Variants in FOXN3 observed in about 807,000 individuals in gnomAD.
The protein encoded by FOXN3 is forkhead box protein N3.
A neutral mutation model predicts 38.4 loss-of-function variants in FOXN3; 7 were observed. The observed-to-expected ratio is 0.18, with a 90% CI of 0.10 to 0.34. The LOEUF is 0.34. Among genes scored for constraint, FOXN3 ranks in the 10% least tolerant of loss-of-function variants. The pLI is 1.00. For synonymous variants in FOXN3, 230 were observed against 242.2 expected (o/e 0.95, Z 0.47); for missense variants, 456 against 613.4 (o/e 0.74, Z 2.71).
intron 4 of FOXN3, among the ~76,000 whole-genome samples, chr14:89,234,263 T>C (rs756169122): frequency 3.9e-5 from 6 of 152,140 alleles, no homozygotes; most frequent in Non-Finnish European, 7.4e-5. Flanking sequence ...TTAATGACCA[T>C]AGTTCTGGAG....
chr14:89,236,745 G>T (rs779117922), intron 4 of FOXN3, among the ~76,000 whole-genome samples: 1 of 152,236 alleles, frequency 6.6e-6, no homozygotes, highest in Admixed American at 6.5e-5. Context: ...AAATGCTCTA[G>T]CTGTGGGGAC....
chr14:89,369,592 C>T (rs980339842), intron 2 of FOXN3, among the ~76,000 whole-genome samples: 1 of 151,484 alleles, frequency 6.6e-6, no homozygotes, highest in Non-Finnish European at 1.5e-5. Context: ...CACAATTCCA[C>T]ATGGCTGGGG....
At chr14:89,345,310 G>A (rs930444950) in intron 3 of FOXN3, among the ~76,000 whole-genome samples, 9 of 151,086 alleles carry the variant, frequency 6.0e-5, no homozygotes, top group African/African-American at 2.0e-4. Context: ...AAAAACAATC[G>A]GGATATCTAA....
At chr14:89,273,163 C>T (rs1455122826) in intron 4 of FOXN3, among the ~76,000 whole-genome samples, 1 of 152,220 alleles carries the variant, frequency 6.6e-6, no homozygotes, top group Non-Finnish European at 1.5e-5. Flanking sequence ...CATTCTATAA[C>T]CTCCTGCAAA....
intron 1 of FOXN3, among the ~76,000 whole-genome samples, chr14:89,483,659 C>T (rs988802770): frequency 5.9e-5 from 9 of 152,134 alleles, no homozygotes; most frequent in East Asian, 1.9e-4. Context: ...CCGCCTGCCT[C>T]GGCCTCCCAA....
intron 2 of FOXN3, among the ~76,000 whole-genome samples, chr14:89,401,292 A>G (rs930163702): frequency 6.6e-6 from 1 of 152,140 alleles, no homozygotes; most frequent in African/African-American, 2.4e-5. Context: ...AAACAGAAAA[A>G]TTAGCTGGGC....
At chr14:89,350,416 A>G in intron 3 of FOXN3, 1 of 324,192 alleles carries the variant, frequency 3.1e-6, no homozygotes, top group Non-Finnish European at 5.6e-6. Flanking sequence ...TTCTTTGTAA[A>G]TGTTTCTACC....
intron 1 of FOXN3, among the ~76,000 whole-genome samples, chr14:89,566,966 G>T (rs569050409): frequency 3.3e-5 from 5 of 152,004 alleles, no homozygotes; most frequent in Non-Finnish European, 7.4e-5. Flanking sequence ...AGAGAGTGGG[G>T]AGGAGAAAAG....
At chr14:89,590,940 G>A (rs1461835057) in intron 1 of FOXN3, among the ~76,000 whole-genome samples, 2 of 152,080 alleles carry the variant, frequency 1.3e-5, no homozygotes, top group Non-Finnish European at 2.9e-5. Context: ...AGGCCTTGCT[G>A]GGGTCATTCT....
intron 3 of FOXN3, among the ~76,000 whole-genome samples, chr14:89,304,095 C>T: frequency 6.6e-6 from 1 of 152,200 alleles, no homozygotes; most frequent in East Asian, 1.9e-4. Flanking sequence ...GATGCTGTCA[C>T]ATGCAAACTT....
intron 3 of FOXN3, among the ~76,000 whole-genome samples, chr14:89,289,899 T>C (rs1202967889): frequency 2.6e-5 from 4 of 152,236 alleles, no homozygotes; most frequent in East Asian, 1.9e-4. Context: ...AATTGAATCA[T>C]GCAGTATTTT....
intron 4 of FOXN3, among the ~76,000 whole-genome samples, chr14:89,244,171 A>G (rs1885222523): frequency 6.6e-6 from 1 of 152,246 alleles, no homozygotes; most frequent in Non-Finnish European, 1.5e-5. Flanking sequence ...AAACCAAGCA[A>G]AATGAAATCA....
At position 89,511,207 on chromosome 14, in the gene FOXN3, C is replaced by CTTTCT. The variant is rs1453469805; in HGVS notation, c.-14-98722_-14-98718dup. Among the ~76,000 whole-genome samples, 28 of 12,308 alleles carry CTTTCT rather than the reference C, an allele frequency of 2.3e-3. 4 individuals carry two copies. Among genetic ancestry groups the CTTTCT allele is most frequent in the African/African-American group, 4.0e-3 (28 of 7,070 alleles). The allele number at this position is 12,308 out of a possible 152,430, so 8.1% of individuals were successfully genotyped here. On this transcript the variant is annotated intron_variant, in intron 1 of 6. Transcript: ENST00000345097. ...TTTCTTTCTTTTCTTTCTTTCTTTT[C>CTTTCT]TTTCTTTCTTTCTTTCTTTCTTTTC...
At chr14:89,520,241 T>A (rs1042121344) in intron 1 of FOXN3, among the ~76,000 whole-genome samples, 1 of 151,614 alleles carries the variant, frequency 6.6e-6, no homozygotes, top group African/African-American at 2.4e-5. Flanking sequence ...TTTTTCTTTC[T>A]TTTTTTTGAG....
At chr14:89,202,773 G>C (rs1436577528) in intron 4 of FOXN3, among the ~76,000 whole-genome samples, 1 of 152,174 alleles carries the variant, frequency 6.6e-6, no homozygotes, top group Non-Finnish European at 1.5e-5. Context: ...CATGAGTGGA[G>C]TAGTCTCAGA....
At chr14:89,401,423 A>C (rs978314603) in intron 2 of FOXN3, 1 of 355,282 alleles carries the variant, frequency 2.8e-6, no homozygotes, top group Non-Finnish European at 5.5e-6. Flanking sequence ...AGCCTGGGTG[A>C]CTCAACAGCA....
intron 2 of FOXN3, among the ~76,000 whole-genome samples, chr14:89,376,809 T>G (rs918435094): frequency 6.6e-6 from 1 of 150,470 alleles, no homozygotes; most frequent in Non-Finnish European, 1.5e-5. Flanking sequence ...AGGTCAGGAG[T>G]TCAACACCAG....
intron 4 of FOXN3, among the ~76,000 whole-genome samples, chr14:89,183,293 T>C (rs1052830966): frequency 1.3e-5 from 2 of 152,222 alleles, no homozygotes; most frequent in African/African-American, 2.4e-5. Flanking sequence ...TCTGATATAA[T>C]GAACCATGCT....
intron 1 of FOXN3, among the ~76,000 whole-genome samples, chr14:89,586,471 A>T (rs1895844835): frequency 6.6e-6 from 1 of 152,188 alleles, no homozygotes; most frequent in Non-Finnish European, 1.5e-5. Flanking sequence ...CTTACCACAG[A>T]TTAGTGTGAG....
Sources: gnomAD v4.1 joint callset for allele counts (sites outside exome capture counted in the v4.1 genomes callset) on GRCh38, gnomAD v4.1.1 for gene constraint, MANE v1.5 for transcripts, NCBI Gene and HGNC (gene_info 2026-07-23, HGNC 2026-07-21) for gene names.